BCL9: variants seen among roughly 807,000 people sequenced by gnomAD.
BCL9 encodes the protein BCL9 transcription coactivator.
In BCL9, 25 loss-of-function variants were observed where a neutral mutation model predicts 88.5. The observed-to-expected ratio is 0.28, with a 90% CI of 0.21 to 0.39. The LOEUF (loss-of-function observed/expected upper bound fraction) is 0.39. BCL9 is among the 10% of genes least tolerant of loss of function. BCL9 has a pLI of 1.00. For missense variants in BCL9, 1,817 were observed against 1,877.8 expected (o/e 0.97, Z 0.60); for synonymous variants, 711 against 673.3 (o/e 1.06, Z -0.87).
At chr1:147,546,681 C>A (rs1282908615) in intron 1 of BCL9, among the ~76,000 whole-genome samples, 1 of 152,144 alleles carries the variant, frequency 6.6e-6, no homozygotes, top group East Asian at 1.9e-4. Context: ...AATTCAAGAA[C>A]TATAGTTATC....
At chr1:147,589,985 C>T (rs1656780891) in intron 1 of BCL9, among the ~76,000 whole-genome samples, 1 of 152,192 alleles carries the variant, frequency 6.6e-6, no homozygotes, top group African/African-American at 2.4e-5. Context: ...TCTCTCCATT[C>T]TCACCAACAC....
chr1:147,542,149 C>T (rs1474392074), intron 1 of BCL9, among the ~76,000 whole-genome samples: 5 of 152,070 alleles, frequency 3.3e-5, no homozygotes, highest in Admixed American at 6.5e-5. Flanking sequence ...CCAGTGTGCC[C>T]GTGGGTCTGT....
intron 1 of BCL9, among the ~76,000 whole-genome samples, chr1:147,601,733 T>A (rs748377490): frequency 1.7e-4 from 26 of 152,160 alleles, no homozygotes; most frequent in Non-Finnish European, 3.7e-4. Context: ...AAGAAAGACA[T>A]CCTTATTCAC....
In BCL9 at chr1:147,624,056, G is replaced by A; in HGVS notation, c.3378G>A (p.Glu1126=). ...HNPIMGHGSQ[E]PPMVPQGRMG... is the part of the protein sequence containing the mutation. ...CTATCATGGGGCATGGGTCCCAGGA[G>A]CCACCGATGGTACCTCAAGGACGGA... The change falls in exon 10 of 10, where the codon GAG becomes GAA. Residue 1126 remains glutamate, a synonymous_variant. Coordinates refer to ENST00000234739, the MANE Select transcript of BCL9 (RefSeq NM_004326.4). The surrounding 1 kb of genome is among the most constrained non-coding windows in gnomAD (Gnocchi z 4.4). 1 of 1,613,954 alleles carries A rather than the reference G, an allele frequency of 6.2e-7. No homozygotes were observed. Among genetic ancestry groups the A allele is most frequent in the Non-Finnish European group, 8.5e-7 (1 of 1,179,852 alleles).
rs1658915832 is a variant in BCL9, at chr1:147,625,797, CTCTT to C, written c.*841_*844del. 2 of 232,980 alleles carry C rather than the reference CTCTT, an allele frequency of 8.6e-6. No homozygotes were observed. Among genetic ancestry groups the C allele is most frequent in the Admixed American group, 5.6e-5 (1 of 17,738 alleles). 14.4% of individuals were successfully genotyped at this position (232,980 alleles called of 1,614,324 possible). A position where few individuals can be genotyped will look rare whatever the true frequency, so the allele number is the denominator to read the frequency against. ...CGCTGGTGACCCTCTGCTTCCCTCTCTCTTTCCCTTTGGCAGCTGCAATACACAG... is the reference window on the plus strand; with the variant it reads ...CGCTGGTGACCCTCTGCTTCCCTCTCTCCCTTTGGCAGCTGCAATACACAG... On this transcript the variant is annotated 3_prime_UTR_variant, in exon 10 of 10. Coordinates refer to ENST00000234739, the MANE Select transcript of BCL9 (RefSeq NM_004326.4).
In BCL9 at chr1:147,624,599, T is replaced by G; in HGVS notation, c.3921T>G (p.Ala1307=). 2.5e-6 allele frequency: 4 copies of G among 1,614,024 alleles called. No individual in the cohort carries two copies. Among genetic ancestry groups the G allele is most frequent in the Non-Finnish European group, 3.4e-6 (4 of 1,179,996 alleles). ...CTCCGGACATCCCTCTTGGTACAGC[T>G]CCATCCATGCCAGGCCACAACCCCA... is the stretch of plus-strand genomic sequence containing the variant. ...VGTPDIPLGT[A]PSMPGHNPMR... The change falls in exon 10 of 10, where the codon GCT becomes GCG. Residue 1307 remains alanine (A), a synonymous_variant. Coordinates refer to ENST00000234739, the MANE Select transcript of BCL9 (RefSeq NM_004326.4). This position sits in a 1 kb window ranked among gnomAD's most constrained non-coding sequence, Gnocchi z 4.4.
At chr1:147,550,204 T>C (rs183030757) in intron 1 of BCL9, among the ~76,000 whole-genome samples, 167 of 152,272 alleles carry the variant, frequency 1.1e-3, no homozygotes, top group African/African-American at 3.8e-3. Context: ...TCTAGGATGT[T>C]GTGGTAAAGG....
intron 1 of BCL9, among the ~76,000 whole-genome samples, chr1:147,555,242 A>G (rs182682588): frequency 7.8e-4 from 119 of 152,130 alleles, no homozygotes; most frequent in South Asian, 2.7e-3. Context: ...GGGTTGGTTT[A>G]CGAAGTCTAG....
intron 1 of BCL9, among the ~76,000 whole-genome samples, chr1:147,568,764 G>A (rs1013709107): frequency 9.2e-5 from 14 of 152,168 alleles, no homozygotes; most frequent in African/African-American, 1.4e-4. Context: ...TCTAGCCCCA[G>A]GGCATTGGGC....
intron 1 of BCL9, among the ~76,000 whole-genome samples, chr1:147,566,570 C>T (rs1655606020): frequency 6.6e-6 from 1 of 152,010 alleles, no homozygotes; most frequent in Admixed American, 6.6e-5. Context: ...TCCTGGCTAA[C>T]ACGGTGAAAC....
chr1:147,602,744 G>A lies in BCL9; in HGVS notation c.-477-2033G>A, dbSNP rs145886514. On this transcript the variant is annotated intron_variant, in intron 1 of 9. Transcript: ENST00000234739. ...AGAGTTCTCATTGTATAAGGCAAGT[G>A]TATGTCACTTGCTTCCTCAGAAGTG... 1.4e-4 allele frequency among the ~76,000 whole-genome samples: 22 copies of A among 152,330 alleles called. No homozygotes were observed. In the East Asian group the frequency reaches 4.2e-3, roughly 29 times the overall value.
intron 1 of BCL9, among the ~76,000 whole-genome samples, chr1:147,544,936 A>G (rs1654487223): frequency 6.6e-6 from 1 of 151,994 alleles, no homozygotes; most frequent in South Asian, 2.1e-4. Flanking sequence ...GATTTGTGTT[A>G]ATGTTGGCAT....
intron 1 of BCL9, among the ~76,000 whole-genome samples, chr1:147,558,490 T>C (rs1285190307): frequency 3.9e-5 from 6 of 152,172 alleles, no homozygotes; most frequent in Non-Finnish European, 7.4e-5. Context: ...TGGTCTCCTC[T>C]GGTGTCTGAT....
intron 7 of BCL9, among the ~76,000 whole-genome samples, chr1:147,618,500 G>C (rs1553204193): frequency 6.6e-6 from 1 of 152,114 alleles, no homozygotes; most frequent in Non-Finnish European, 1.5e-5. Context: ...GTAGACATGT[G>C]ATATCAAACC....
At position 147,620,415 on chromosome 1, in the gene BCL9, G is replaced by A; in HGVS notation, c.2260G>A (p.Gly754Ser). The change falls in exon 8 of 10, where the codon GGC (glycine) becomes AGC (serine). Residue 754 changes from glycine to serine, a missense_variant. Coordinates refer to ENST00000234739, the MANE Select transcript of BCL9 (RefSeq NM_004326.4). ...GGAGATGCTGAAATTACGCCCAGGTGGCTCAGACATGCTGCCTGCTCAGCA... is the reference window on the plus strand; with the variant it reads ...GGAGATGCTGAAATTACGCCCAGGTAGCTCAGACATGCTGCCTGCTCAGCA... ...PEEMLKLRPG[G>S]SDMLPAQQKM... 6.2e-7 allele frequency: 1 copy of A among 1,614,070 alleles called. No individual in the cohort carries two copies. The highest frequency in any genetic ancestry group is 8.5e-7 in the Non-Finnish European group (1 of 1,180,002).
Position 147,619,587 on chromosome 1 carries a change from G to C in BCL9, c.1432G>C (p.Glu478Gln), listed in dbSNP as rs147571927. 98 of 1,613,946 alleles carry C rather than the reference G, an allele frequency of 6.1e-5. No homozygotes were observed. Among genetic ancestry groups the C allele is most frequent in the Non-Finnish European group, 8.1e-5 (95 of 1,180,022 alleles). Residue 478 changes from glutamate (E) to glutamine (Q), a missense_variant, in exon 8 of 10, where the codon GAG (glutamate) becomes CAG (glutamine). Transcript: ENST00000234739. The surrounding 1 kb of genome is among the most constrained non-coding windows in gnomAD (Gnocchi z 4.1). ...GATAGCGTGGCTGAAACTGCAGCAG[G>C]AGTTTTATGAAGAGAAGAGGAGGAA... ...EQIAWLKLQQEFYEEKRRKQE... is the reference protein window; with the variant it reads ...EQIAWLKLQQQFYEEKRRKQE...
intron 1 of BCL9, among the ~76,000 whole-genome samples, chr1:147,564,071 T>C (rs1553196409): frequency 6.6e-6 from 1 of 152,116 alleles, no homozygotes; most frequent in Non-Finnish European, 1.5e-5. Flanking sequence ...CCTTCGAACG[T>C]GGATGTGACT....
intron 1 of BCL9, among the ~76,000 whole-genome samples, chr1:147,599,623 A>C (rs1237617681): frequency 6.6e-6 from 1 of 151,964 alleles, no homozygotes; most frequent in Admixed American, 6.5e-5. Context: ...GCCCCTCAGG[A>C]GGCTCTGGAG....
chr1:147,618,682 C>A, intron 7 of BCL9, 134 bp from the exon 8 acceptor site: 1 of 865,106 alleles, frequency 1.2e-6, no homozygotes, highest in Non-Finnish European at 1.6e-6. Context: ...GAGGGTTGTA[C>A]GTGAGCAATT....
Sources: allele counts gnomAD v4.1 joint callset (sites outside exome capture counted in the v4.1 genomes callset), GRCh38; gene constraint gnomAD v4.1.1; non-coding constraint Gnocchi (gnomAD v3.1); transcripts MANE v1.5; gene names NCBI Gene and HGNC (gene_info 2026-07-23, HGNC 2026-07-21).